Variants in CILK1 observed in about 807,000 individuals in gnomAD.
The protein encoded by CILK1 is serine/threonine-protein kinase ICK.
CILK1 carries 47 observed loss-of-function variants against 79.2 expected under a neutral mutation model. The ratio of observed to expected loss-of-function variants is 0.59; its 90% CI spans 0.47 to 0.76. CILK1 has a LOEUF of 0.76. Ranked by LOEUF, CILK1 falls within the 30% of genes least tolerant of loss-of-function variation. The pLI, the probability that CILK1 is intolerant of heterozygous loss-of-function variation, is 0.00. For missense variants in CILK1, 660 were observed against 769.5 expected, an observed-to-expected ratio of 0.86 and a Z score of 1.68; for synonymous variants, 266 against 275.9, an observed-to-expected ratio of 0.96 and a Z score of 0.36.
rs1295966863 is a variant in CILK1, at chr6:53,013,722, G to T, written c.1092C>A (p.Leu364=). Residue 364 remains leucine, a synonymous_variant, in exon 9 of 14, where the codon CTC becomes CTA. Coordinates refer to ENST00000676107, the MANE Select transcript of CILK1 (RefSeq NM_014920.5). ...GCAACGGGCTTGGCTTGTCCTCCTG[G>T]AGATGGCTTGGGTGATCTGTCCTGG... ...EVSRTDHPSH[L]QEDKPSPLLF... 6.2e-7 allele frequency: 1 copy of T among 1,614,068 alleles called. No homozygotes were observed. Among genetic ancestry groups the T allele is most frequent in the East Asian group, 2.2e-5 (1 of 44,904 alleles).
Position 53,005,198 on chromosome 6 carries a change from G to A in CILK1, c.1850C>T (p.Pro617Leu). Reference sequence around the variant, plus strand: ...AGCCCAGTCTGTCCGGCCATGCACTGGCTGGGCGGCTGGAGGCCGTGGTAT... The same window carrying A: ...AGCCCAGTCTGTCCGGCCATGCACTAGCTGGGCGGCTGGAGGCCGTGGTAT... ...GLIPRPPAAQ[P>L]VHGRTDWASK... The change falls in exon 14 of 14, where the codon CCA becomes CTA. Residue 617 changes from proline to leucine, a missense_variant. By Grantham distance (98) the Pro-to-Leu change is moderately conservative. Coordinates refer to ENST00000676107, the MANE Select transcript of CILK1 (RefSeq NM_014920.5). 2 of 1,614,210 alleles carry A rather than the reference G, an allele frequency of 1.2e-6. No individual in the cohort carries two copies. Among genetic ancestry groups the A allele is most frequent in the Non-Finnish European group, 8.5e-7 (1 of 1,180,044 alleles).
chr6:53,029,028 G>A (rs1765758310), intron 5 of CILK1, among the ~76,000 whole-genome samples: 2 of 152,080 alleles, frequency 1.3e-5, no homozygotes, highest in South Asian at 4.1e-4. Flanking sequence ...CTGGCAACAA[G>A]TATCTGGGTC....
intron 5 of CILK1, among the ~76,000 whole-genome samples, chr6:53,024,496 T>G (rs551009063): frequency 2.0e-5 from 3 of 152,350 alleles, no homozygotes. Context: ...ACCCTCCAGC[T>G]TGCAGAAGGC....
At chr6:53,056,275 T>C (rs1173062921) in intron 1 of CILK1, among the ~76,000 whole-genome samples, 1 of 152,060 alleles carries the variant, frequency 6.6e-6, no homozygotes, top group Non-Finnish European at 1.5e-5. Flanking sequence ...AAAATCAAAA[T>C]GAATTAAAGG....
Position 53,039,442 on chromosome 6 carries a change from G to C in CILK1, c.102-1449C>G, listed in dbSNP as rs1766561847. On this transcript the variant is annotated intron_variant, in intron 2 of 13. Transcript: ENST00000676107. Reference sequence around the variant, plus strand: ...GGCCTGGGCAAGAACTTGGGTGCAGGTAGTTTATTTGGGAGGTGATTCCAG... The same window carrying C: ...GGCCTGGGCAAGAACTTGGGTGCAGCTAGTTTATTTGGGAGGTGATTCCAG... 2.6e-5 allele frequency among the ~76,000 whole-genome samples: 4 copies of C among 152,352 alleles called. No homozygotes were observed. The South Asian group carries it at 8.3e-4, about 32-fold the overall frequency.
chr6:53,006,474 A>G (rs769225875), intron 12 of CILK1, 37 bp from the exon 13 acceptor site: 1 of 1,608,812 alleles, frequency 6.2e-7, no homozygotes, highest in Admixed American at 1.7e-5. Flanking sequence ...TATTACAAAG[A>G]CATGTACCCA....
At chr6:53,043,535 T>C (rs531923915) in intron 1 of CILK1, among the ~76,000 whole-genome samples, 1 of 152,226 alleles carries the variant, frequency 6.6e-6, no homozygotes, top group East Asian at 1.9e-4. Flanking sequence ...GTAAGGCCTC[T>C]GGTTGGAGGG....
intron 12 of CILK1, 62 bp from the exon 13 acceptor site, chr6:53,006,499 T>C: frequency 6.3e-7 from 1 of 1,588,340 alleles, no homozygotes; most frequent in South Asian, 1.1e-5. Flanking sequence ...ACCAACAAGG[T>C]TAAATGACAG....
chr6:53,011,455 C>G (rs897604928), intron 11 of CILK1, among the ~76,000 whole-genome samples: 1 of 152,094 alleles, frequency 6.6e-6, no homozygotes, highest in Non-Finnish European at 1.5e-5. Flanking sequence ...AAAAATTAGC[C>G]AGGCATGGTG....
chr6:53,044,008 G>A (rs570870398), intron 1 of CILK1, among the ~76,000 whole-genome samples: 1 of 152,136 alleles, frequency 6.6e-6, no homozygotes, highest in Non-Finnish European at 1.5e-5. Flanking sequence ...TTGAAATTAG[G>A]GGGTGGGAAA....
Position 53,006,221 on chromosome 6 carries a change from G to T in CILK1, c.1744+94C>A, listed in dbSNP as rs1764211969. ...CTGTAGAGTGCAAGTTTCATTTATTGGTGGATCCCAGGCCTAAAACATGCC... is the reference window on the plus strand; with the variant it reads ...CTGTAGAGTGCAAGTTTCATTTATTTGTGGATCCCAGGCCTAAAACATGCC... On this transcript the variant is annotated intron_variant, in intron 13 of 13. Transcript: ENST00000676107. 5 of 1,181,354 alleles carry T rather than the reference G, an allele frequency of 4.2e-6. No individual in the cohort carries two copies. The African/African-American group carries it at 6.1e-5, about 14-fold the overall frequency. 73.2% of individuals were successfully genotyped at this position (1,181,354 alleles called of 1,614,324 possible).
chr6:53,031,852 A>T (rs1765984614), intron 4 of CILK1, among the ~76,000 whole-genome samples: 1 of 151,222 alleles, frequency 6.6e-6, no homozygotes, highest in African/African-American at 2.4e-5. Context: ...TTTTTTTTTG[A>T]GATGGAGTTT....
chr6:53,032,741 G>A, intron 3 of CILK1, 87 bp from the exon 4 acceptor site: 1 of 1,095,708 alleles, frequency 9.1e-7, no homozygotes. Flanking sequence ...TGTATACTTG[G>A]AAAGAAACAA....
At chr6:53,025,626 T>G (rs941637117) in intron 5 of CILK1, among the ~76,000 whole-genome samples, 1 of 152,168 alleles carries the variant, frequency 6.6e-6, no homozygotes, top group African/African-American at 2.4e-5. Flanking sequence ...GGGCCCTACT[T>G]CAGGCTCAAA....
Position 53,052,858 on chromosome 6 carries a change from G to A in CILK1, c.-173+8738C>T, listed in dbSNP as rs1428618287. Among the ~76,000 whole-genome samples, 4 of 152,066 alleles carry A rather than the reference G, an allele frequency of 2.6e-5. No homozygotes were observed. In the East Asian group the frequency reaches 7.7e-4, roughly 29 times the overall value. On this transcript the variant is annotated intron_variant, in intron 1 of 13. Transcript: ENST00000676107. ...CCCTTCACGGTAATAAGAAGTGGAA[G>A]AAATGTCCGTACCTCTTCAGGCTGG...
intron 2 of CILK1, among the ~76,000 whole-genome samples, chr6:53,039,695 G>T (rs999675153): frequency 6.6e-6 from 1 of 152,216 alleles, no homozygotes; most frequent in Non-Finnish European, 1.5e-5. Flanking sequence ...TCAGGTGGGA[G>T]CAAGGGATGT....
chr6:53,047,114 A>C (rs1767131365), intron 1 of CILK1, among the ~76,000 whole-genome samples: 1 of 152,202 alleles, frequency 6.6e-6, no homozygotes, highest in Non-Finnish European at 1.5e-5. Flanking sequence ...GAAGCAGGTC[A>C]GGATGGGGGC....
rs1161781666 is a variant in CILK1, at chr6:53,004,192, C to G, written c.*957G>C. 6.6e-6 allele frequency: 1 copy of G among 152,616 alleles called. No homozygotes were observed. Among genetic ancestry groups the G allele is most frequent in the Non-Finnish European group, 1.5e-5 (1 of 68,034 alleles). The allele number at this position is 152,616 out of a possible 1,614,324, so 9.5% of individuals were successfully genotyped here. On this transcript the variant is annotated 3_prime_UTR_variant, in exon 14 of 14. Transcript: ENST00000676107. ...AGTCATTGACTGCTCCTAGCCAGATCTGGAGAACTGAGCTAGGCACAAAAT... is the reference window on the plus strand; with the variant it reads ...AGTCATTGACTGCTCCTAGCCAGATGTGGAGAACTGAGCTAGGCACAAAAT...
chr6:53,010,320 T>G (rs557223132), intron 11 of CILK1, among the ~76,000 whole-genome samples: 1 of 152,314 alleles, frequency 6.6e-6, no homozygotes, highest in Admixed American at 6.5e-5. Flanking sequence ...AGGAATTTCA[T>G]GCATCAAGAG....
Sources: gnomAD v4.1 joint callset for allele counts (sites outside exome capture counted in the v4.1 genomes callset) on GRCh38, gnomAD v4.1.1 for gene constraint, MANE v1.5 for transcripts, NCBI Gene and HGNC (gene_info 2026-07-23, HGNC 2026-07-21) for gene names.